The following OCA2 variants were observed in gnomAD, a reference collection of about 807,000 sequenced individuals.
The protein encoded by OCA2 is P protein.
In OCA2, 77 loss-of-function variants were observed where a neutral mutation model predicts 100.2. That is an observed-to-expected ratio of 0.77 (90% CI 0.64 to 0.93). The LOEUF (loss-of-function observed/expected upper bound fraction) is 0.93, where lower values mean the gene tolerates loss of function less well. OCA2 is among the 40% of genes least tolerant of loss of function. The pLI, the probability that OCA2 is intolerant of heterozygous loss-of-function variation, is 0.00. For missense variants in OCA2, 1,062 were observed against 1,089.1 expected, an observed-to-expected ratio of 0.98 and a Z score of 0.35; for synonymous variants, 432 against 439.2, an observed-to-expected ratio of 0.98 and a Z score of 0.21.
intron 23 of OCA2, among the ~76,000 whole-genome samples, chr15:27,798,516 A>G (rs981870963): frequency 3.9e-5 from 6 of 152,180 alleles, no homozygotes; most frequent in Non-Finnish European, 8.8e-5. Flanking sequence ...ACTTCAGAAG[A>G]CTGAGACATC....
At chr15:27,860,908 G>T (rs2036106580) in intron 21 of OCA2, among the ~76,000 whole-genome samples, 1 of 152,224 alleles carries the variant, frequency 6.6e-6, no homozygotes, top group African/African-American at 2.4e-5. Flanking sequence ...AGCTCAGGGA[G>T]GAAGCAGCAG....
chr15:27,991,741 C>T (rs1261286444), intron 9 of OCA2, among the ~76,000 whole-genome samples: 2 of 151,962 alleles, frequency 1.3e-5, no homozygotes, highest in Non-Finnish European at 2.9e-5. Flanking sequence ...TAAAAAAATA[C>T]AAAAAGAATG....
chr15:27,762,531 C>G (rs762288330), intron 23 of OCA2, among the ~76,000 whole-genome samples: 102 of 152,306 alleles, frequency 6.7e-4, no homozygotes, highest in Non-Finnish European at 4.7e-4. Context: ...ACTGAAATCC[C>G]CACCCAGGGA....
At chr15:28,055,787 C>T (rs1383480921) in intron 2 of OCA2, among the ~76,000 whole-genome samples, 1 of 152,156 alleles carries the variant, frequency 6.6e-6, no homozygotes, top group Non-Finnish European at 1.5e-5. Context: ...GCCTATGTCC[C>T]CCACCCCTAG....
intron 19 of OCA2, among the ~76,000 whole-genome samples, chr15:27,879,040 T>C (rs554821907): frequency 5.3e-5 from 8 of 152,156 alleles, no homozygotes; most frequent in Admixed American, 1.3e-4. Context: ...CCAGTGTGGG[T>C]TGTTCCCCTC....
At chr15:27,955,459 A>T (rs756169845) in intron 16 of OCA2, among the ~76,000 whole-genome samples, 1 of 152,206 alleles carries the variant, frequency 6.6e-6, no homozygotes, top group Non-Finnish European at 1.5e-5. Context: ...GAGGAGGTAC[A>T]TGTGACAGCT....
chr15:27,812,464 A>T (rs1037308455), intron 23 of OCA2, among the ~76,000 whole-genome samples: 11 of 152,176 alleles, frequency 7.2e-5, no homozygotes, highest in African/African-American at 2.2e-4. Context: ...CCAGGGAAAA[A>T]GTTCATGATA....
the OCA2 span, among the ~76,000 whole-genome samples, chr15:27,738,752 C>G: frequency 6.6e-6 from 1 of 151,442 alleles, no homozygotes; most frequent in Non-Finnish European, 1.5e-5. Context: ...CCAAACGCAA[C>G]TAACCTACGG....
At chr15:28,032,014 G>T in intron 3 of OCA2, 51 bp downstream of exon 3, 1 of 1,364,980 alleles carries the variant, frequency 7.3e-7, no homozygotes, top group Non-Finnish European at 1.0e-6. Flanking sequence ...ATACATGCCA[G>T]GTGCAATGCT....
chr15:28,045,033 T>C (rs2043308501), intron 2 of OCA2, among the ~76,000 whole-genome samples: 1 of 152,230 alleles, frequency 6.6e-6, no homozygotes, highest in Non-Finnish European at 1.5e-5. Context: ...TCCATTCACA[T>C]ATAATGTGAT....
At chr15:27,984,702 A>C (rs1262543315) in intron 13 of OCA2, among the ~76,000 whole-genome samples, 4 of 152,180 alleles carry the variant, frequency 2.6e-5, no homozygotes, top group African/African-American at 9.7e-5. Flanking sequence ...CTGGGATTAC[A>C]GGCACGTGCC....
chr15:27,962,147 T>A (rs1268294240), intron 15 of OCA2, among the ~76,000 whole-genome samples: 1 of 152,150 alleles, frequency 6.6e-6, no homozygotes, highest in Middle Eastern at 3.2e-3. Flanking sequence ...GATAGACAGA[T>A]AAATTCCTTC....
intron 23 of OCA2, among the ~76,000 whole-genome samples, chr15:27,791,640 C>T (rs2033086845): frequency 6.6e-6 from 1 of 152,188 alleles, no homozygotes; most frequent in South Asian, 2.1e-4. Context: ...CTGAATTTTA[C>T]TGCATGTATA....
chr15:28,046,173 C>T (rs755955762), intron 2 of OCA2, among the ~76,000 whole-genome samples: 1 of 152,298 alleles, frequency 6.6e-6, no homozygotes, highest in Non-Finnish European at 1.5e-5. Flanking sequence ...ATGGACTTTA[C>T]CCGCAGTGCC....
chr15:27,755,610 A>AATTAGTTTATTTAT (rs1257399550), intron 23 of OCA2, 138 bp from the exon 24 acceptor site: 1 of 713,390 alleles, frequency 1.4e-6, no homozygotes, highest in African/African-American at 1.7e-5. Flanking sequence ...TCCATAAATC[A>AATTAGTTTATTTAT]GGAAGTTAGT....
chr15:28,064,189 T>C (rs1051039284), intron 2 of OCA2, among the ~76,000 whole-genome samples: 17 of 152,180 alleles, frequency 1.1e-4, no homozygotes, highest in African/African-American at 4.1e-4. Context: ...CCCTTGTATG[T>C]GACAAGTCAC....
intron 1 of OCA2, among the ~76,000 whole-genome samples, chr15:28,084,238 T>A (rs2044733887): frequency 6.6e-6 from 1 of 152,222 alleles, no homozygotes; most frequent in Non-Finnish European, 1.5e-5. Flanking sequence ...CTTCACAGCC[T>A]CCCAAACTGT....
chr15:27,844,081 C>G (rs563715622), intron 23 of OCA2, among the ~76,000 whole-genome samples: 3 of 152,322 alleles, frequency 2.0e-5, no homozygotes, highest in Admixed American at 2.0e-4. Context: ...CCATTCTGCC[C>G]CCTCACCTGT....
intron 23 of OCA2, among the ~76,000 whole-genome samples, chr15:27,783,311 C>T (rs893289139): frequency 6.6e-6 from 1 of 152,212 alleles, no homozygotes; most frequent in Non-Finnish European, 1.5e-5. Context: ...TGTTTCTCCA[C>T]ACCTTACACT....
Sources: allele counts gnomAD v4.1 joint callset (sites outside exome capture counted in the v4.1 genomes callset), GRCh38; gene constraint gnomAD v4.1.1; transcripts MANE v1.5; gene names NCBI Gene and HGNC (gene_info 2026-07-23, HGNC 2026-07-21).